THRB: variants seen among roughly 807,000 people sequenced by gnomAD.
The protein encoded by THRB is thyroid hormone receptor beta.
Under a neutral mutation model 47.8 loss-of-function variants are expected in THRB, and 12 were observed. The ratio of observed to expected loss-of-function variants is 0.25; its 90% CI spans 0.16 to 0.41. THRB has a LOEUF of 0.41. Ranked by LOEUF, THRB falls within the 10% of genes least tolerant of loss-of-function variation. The probability of loss-of-function intolerance (pLI) is 1.00; values close to 1 mark genes in which losing one functional copy is unlikely to be tolerated. For synonymous variants in THRB, 218 were observed against 212.2 expected, an observed-to-expected ratio of 1.03 and a Z score of -0.24; for missense variants, 348 against 589.2, an observed-to-expected ratio of 0.59 and a Z score of 4.24.
rs543667775 is a variant in THRB at position 24,276,742 on chromosome 3, G to C, written c.-43+20484C>G. On this transcript the variant is annotated intron_variant, in intron 3 of 10. Transcript: ENST00000646209. ...CAACACCAATGCTATAACAGACGTG[G>C]AGTAAGTGTGCAGAAAACACCTGGT... Among the ~76,000 whole-genome samples the C allele has an allele frequency of 3.3e-5, 5 of 152,380 alleles. No homozygotes were observed. The South Asian group carries it at 8.3e-4, about 25-fold the overall frequency.
At chr3:24,413,960 A>G (rs1394945274) in intron 1 of THRB, among the ~76,000 whole-genome samples, 3 of 151,926 alleles carry the variant, frequency 2.0e-5, no homozygotes, top group African/African-American at 4.8e-5. Flanking sequence ...GGAAAGATAA[A>G]GATCACACAA....
At chr3:24,388,060 A>G (rs558535409) in intron 1 of THRB, among the ~76,000 whole-genome samples, 1 of 152,190 alleles carries the variant, frequency 6.6e-6, no homozygotes, top group African/African-American at 2.4e-5. Flanking sequence ...CTCCTTCAGT[A>G]AGATATAACT....
chr3:24,494,239 A>T lies in THRB; in HGVS notation c.-261+413T>A, dbSNP rs114499810. 120 of 152,468 alleles carry T rather than the reference A, an allele frequency of 7.9e-4. 1 individual carries two copies. The highest frequency in any genetic ancestry group is 2.8e-3 in the African/African-American group (117 of 41,552). 9.4% of individuals were successfully genotyped at this position (152,468 alleles called of 1,614,324 possible). On this transcript the variant is annotated intron_variant, in intron 1 of 10. Transcript: ENST00000646209. ...GCCTGCCAACCTTTTCCGAACCCCC[A>T]TGTCACACAACTTCCTCATCATGGA... is the stretch of plus-strand genomic sequence containing the variant.
intron 4 of THRB, among the ~76,000 whole-genome samples, chr3:24,217,357 T>A (rs968956230): frequency 6.6e-6 from 1 of 152,112 alleles, no homozygotes; most frequent in African/African-American, 2.4e-5. Context: ...AATTTTTCTA[T>A]ACATCTGTAT....
At chr3:24,135,846 TAATACATAA>T (rs2034593645) in intron 8 of THRB, among the ~76,000 whole-genome samples, 1 of 121,126 alleles carries the variant, frequency 8.3e-6, no homozygotes, top group Non-Finnish European at 1.7e-5. Context: ...TATATATATA[TAATACATAA>T]ATATATATTA....
intron 1 of THRB, among the ~76,000 whole-genome samples, chr3:24,365,836 G>A (rs2064418163): frequency 6.6e-6 from 1 of 152,066 alleles, no homozygotes; most frequent in African/African-American, 2.4e-5. Flanking sequence ...AGAAGCTCAT[G>A]AGGAATACTA....
intron 5 of THRB, among the ~76,000 whole-genome samples, chr3:24,174,166 G>A (rs1237600026): frequency 2.6e-5 from 4 of 152,008 alleles, no homozygotes; most frequent in African/African-American, 4.8e-5. Context: ...TTAGGTATTT[G>A]TCCTAATGTA....
chr3:24,486,258 G>C (rs1163635458), intron 1 of THRB: 1 of 152,162 alleles, frequency 6.6e-6, no homozygotes, highest in African/African-American at 2.4e-5. Flanking sequence ...GAATTACCAG[G>C]CTCAAAACTC....
chr3:24,183,368 C>CT (rs1193344905), intron 5 of THRB, among the ~76,000 whole-genome samples: 17,795 of 83,854 alleles, frequency 0.21, 1,415 homozygotes, highest in South Asian at 0.33. Context: ...TTTTTCTTTT[C>CT]TTTTTTTTTT....
At chr3:24,267,060 T>C (rs2052738245) in intron 3 of THRB, among the ~76,000 whole-genome samples, 1 of 151,282 alleles carries the variant, frequency 6.6e-6, no homozygotes, top group South Asian at 2.1e-4. Flanking sequence ...TAAAAGAAGA[T>C]TATAAAAGAA....
chr3:24,218,771 C>T (rs1378191250), intron 4 of THRB, among the ~76,000 whole-genome samples: 2 of 152,056 alleles, frequency 1.3e-5, no homozygotes, highest in African/African-American at 4.8e-5. Context: ...TTAAGATTTC[C>T]CCAAGTGAGT....
intron 10 of THRB, among the ~76,000 whole-genome samples, chr3:24,125,019 G>A (rs1235439614): frequency 1.3e-5 from 2 of 152,172 alleles, no homozygotes; most frequent in Admixed American, 6.5e-5. Context: ...ATTCAGTTTG[G>A]TGTTTGATAG....
intron 2 of THRB, among the ~76,000 whole-genome samples, chr3:24,306,692 C>T (rs918098041): frequency 1.3e-5 from 2 of 152,080 alleles, no homozygotes; most frequent in African/African-American, 4.8e-5. Context: ...GTTAGGCTTA[C>T]ACCCTCTGCC....
intron 4 of THRB, among the ~76,000 whole-genome samples, chr3:24,212,175 G>A (rs932880773): frequency 7.9e-5 from 12 of 151,204 alleles, no homozygotes; most frequent in Non-Finnish European, 4.4e-5. Flanking sequence ...GAGGTGGGTG[G>A]ATCACGAAGT....
At chr3:24,454,608 C>T (rs1209256734) in intron 1 of THRB, among the ~76,000 whole-genome samples, 1 of 152,116 alleles carries the variant, frequency 6.6e-6, no homozygotes, top group Non-Finnish European at 1.5e-5. Flanking sequence ...GCAGGTGTGG[C>T]TTAACTAAGA....
intron 3 of THRB, among the ~76,000 whole-genome samples, chr3:24,284,716 A>G: frequency 6.7e-6 from 1 of 149,514 alleles, no homozygotes; most frequent in Non-Finnish European, 1.5e-5. Flanking sequence ...ATCTACAATG[A>G]ACTCAAACAG....
chr3:24,459,681 T>C (rs939495141), intron 1 of THRB, among the ~76,000 whole-genome samples: 2 of 152,188 alleles, frequency 1.3e-5, no homozygotes, highest in East Asian at 1.9e-4. Context: ...TGGTATCTCA[T>C]TGGGGTTTTG....
chr3:24,415,623 G>T (rs565706729), intron 1 of THRB, among the ~76,000 whole-genome samples: 2 of 151,874 alleles, frequency 1.3e-5, no homozygotes, highest in South Asian at 2.1e-4. Context: ...GGCACATGTA[G>T]TTGAGAAAAA....
intron 3 of THRB, among the ~76,000 whole-genome samples, chr3:24,281,356 G>T (rs1481035631): frequency 1.3e-5 from 2 of 151,406 alleles, no homozygotes; most frequent in Admixed American, 1.3e-4. Context: ...AAGTGAAGGA[G>T]AAATAAAATA....
Sources: gnomAD v4.1 joint callset for allele counts (sites outside exome capture counted in the v4.1 genomes callset) on GRCh38, gnomAD v4.1.1 for gene constraint, MANE v1.5 for transcripts, NCBI Gene and HGNC (gene_info 2026-07-23, HGNC 2026-07-21) for gene names.